The following UGT1A8 variants were observed in gnomAD, a reference collection of about 807,000 sequenced individuals.
The protein encoded by UGT1A8 is UDP glucuronosyltransferase family 1 member A8, also known as UDP-glucuronosyltransferase 1A8.
UGT1A8 carries 39 observed loss-of-function variants against 45.3 expected under a neutral mutation model. The ratio of observed to expected loss-of-function variants is 0.86; its 90% CI spans 0.67 to 1.12. The LOEUF is 1.12. UGT1A8 is among the 50% of genes most tolerant of loss of function. The probability of loss-of-function intolerance (pLI) is 0.00; values close to 1 mark genes in which losing one functional copy is unlikely to be tolerated. For synonymous variants in UGT1A8, 275 were observed against 249.2 expected (o/e 1.10, Z -0.97); for missense variants, 719 against 664.9 (o/e 1.08, Z -0.90).
Position 233,700,704 on chromosome 2 carries a change from GT to G in UGT1A8, c.856-66323del, listed in dbSNP as rs199725937. Among the ~76,000 whole-genome samples the G allele has an allele frequency of 4.5e-3, 682 of 151,722 alleles. 11 individuals are homozygous for G. The highest frequency in any genetic ancestry group is 0.016 in the African/African-American group (644 of 41,324). On this transcript the variant is annotated intron_variant, in intron 1 of 4. Coordinates refer to ENST00000373450, the MANE Select transcript of UGT1A8 (RefSeq NM_019076.5). ...ATAATATATAAACTACACTTTGAAT[GT>G]TTTTTTCTTTTTTTAAAAATTTTAT...
intron 1 of UGT1A8, among the ~76,000 whole-genome samples, chr2:233,684,736 A>G (rs45548336): frequency 0.02 from 3,110 of 152,174 alleles, 109 homozygotes; most frequent in African/African-American, 0.071. Context: ...TAGAAAATAA[A>G]TATAATTATC....
chr2:233,684,973 TTGA>T (rs796323328), intron 1 of UGT1A8, among the ~76,000 whole-genome samples: 38 of 152,250 alleles, frequency 2.5e-4, no homozygotes, highest in African/African-American at 8.9e-4. Context: ...AAAGCATTGC[TTGA>T]TGATGCAGTG....
chr2:233,678,714 T>A (rs2074425836), intron 1 of UGT1A8, among the ~76,000 whole-genome samples: 1 of 152,122 alleles, frequency 6.6e-6, no homozygotes, highest in Non-Finnish European at 1.5e-5. Flanking sequence ...TTCTTCTACA[T>A]CTTCTTTCTC....
intron 1 of UGT1A8, among the ~76,000 whole-genome samples, chr2:233,628,313 T>G (rs2073129031): frequency 6.9e-6 from 1 of 144,384 alleles, no homozygotes; most frequent in South Asian, 2.2e-4. Context: ...TTATGTGGTT[T>G]ATATATATAT....
intron 1 of UGT1A8, chr2:233,672,599 G>A (rs772418161): frequency 2.4e-5 from 38 of 1,613,822 alleles, no homozygotes; most frequent in South Asian, 1.5e-4. Flanking sequence ...TTATGCCACC[G>A]TTTTTTCAAA....
chr2:233,747,183 G>A (rs1016025766), intron 1 of UGT1A8: 1 of 1,602,336 alleles, frequency 6.2e-7, no homozygotes, highest in South Asian at 1.1e-5. Flanking sequence ...AGCGTGGGGT[G>A]GACAGTCAGC....
chr2:233,649,782 A>G (rs1158309226), intron 1 of UGT1A8, among the ~76,000 whole-genome samples: 1 of 152,190 alleles, frequency 6.6e-6, no homozygotes, highest in Admixed American at 6.5e-5. Context: ...TATAAAGCAG[A>G]ATGCCCTTAG....
At chr2:233,710,115 A>G (rs893125618) in intron 1 of UGT1A8, among the ~76,000 whole-genome samples, 1 of 152,072 alleles carries the variant, frequency 6.6e-6, no homozygotes, top group Non-Finnish European at 1.5e-5. Flanking sequence ...ATTCGTTTCT[A>G]TTTCCGAGTA....
intron 1 of UGT1A8, among the ~76,000 whole-genome samples, chr2:233,669,524 T>C (rs976691898): frequency 6.6e-6 from 1 of 152,206 alleles, no homozygotes; most frequent in African/African-American, 2.4e-5. Flanking sequence ...TTGTCAGATT[T>C]ATCTGTTAGT....
chr2:233,725,261 AGAG>A lies in UGT1A8; in HGVS notation c.856-41768_856-41766del, dbSNP rs754749858. 7.0e-4 allele frequency among the ~76,000 whole-genome samples: 22 copies of A among 31,252 alleles called. 3 individuals carry two copies. The highest frequency in any genetic ancestry group is 4.3e-3 in the African/African-American group (20 of 4,634). The allele number at this position is 31,252 out of a possible 152,430, so 20.5% of individuals were successfully genotyped here. A position where few individuals can be genotyped will look rare whatever the true frequency, so the allele number is the denominator to read the frequency against. ...AGGCAGAGGCAGAGGAGGCAGAGGC[AGAG>A]GAGGCAGAGGCAGAGGCAGAGGCAG... On this transcript the variant is annotated intron_variant, in intron 1 of 4. Transcript: ENST00000373450.
intron 1 of UGT1A8, among the ~76,000 whole-genome samples, chr2:233,671,621 A>C (rs2074194352): frequency 6.6e-6 from 1 of 152,228 alleles, no homozygotes; most frequent in South Asian, 2.1e-4. Flanking sequence ...ATCTTTCTGA[A>C]CCTTCAAGGT....
intron 1 of UGT1A8, among the ~76,000 whole-genome samples, chr2:233,667,509 A>C (rs930870181): frequency 1.3e-5 from 2 of 152,240 alleles, no homozygotes; most frequent in Admixed American, 1.3e-4. Context: ...AAGCAGTGGC[A>C]ACAAAAGCCA....
chr2:233,620,652 T>C (rs1023018808), intron 1 of UGT1A8, among the ~76,000 whole-genome samples: 5 of 152,154 alleles, frequency 3.3e-5, no homozygotes, highest in Non-Finnish European at 7.4e-5. Flanking sequence ...TTGCAGAAGG[T>C]TATGTGTATT....
At chr2:233,726,260 G>T (rs2077520293) in intron 1 of UGT1A8, among the ~76,000 whole-genome samples, 1 of 152,196 alleles carries the variant, frequency 6.6e-6, no homozygotes, top group Admixed American at 6.5e-5. Context: ...GGGTGCAGTG[G>T]CATGCGCCTA....
At chr2:233,648,804 C>T (rs1178200100) in intron 1 of UGT1A8, 1 of 959,244 alleles carries the variant, frequency 1.0e-6, no homozygotes, top group African/African-American at 1.6e-5. Context: ...GGAACCACAT[C>T]TTCTACTTAG....
chr2:233,631,242 G>A (rs563417722), intron 1 of UGT1A8, among the ~76,000 whole-genome samples: 1 of 152,202 alleles, frequency 6.6e-6, no homozygotes, highest in East Asian at 1.9e-4. Context: ...GGCTATCATT[G>A]ATGGGCATTT....
At chr2:233,728,727 T>C (rs1208956331) in intron 1 of UGT1A8, among the ~76,000 whole-genome samples, 1 of 152,204 alleles carries the variant, frequency 6.6e-6, no homozygotes, top group Non-Finnish European at 1.5e-5. Flanking sequence ...AGAGAGCATA[T>C]GACTGGGGGC....
At chr2:233,694,004 C>T in intron 1 of UGT1A8, 1 of 1,466,316 alleles carries the variant, frequency 6.8e-7, no homozygotes, top group Non-Finnish European at 9.2e-7. Flanking sequence ...CGGCTCGGAG[C>T]AGCGGGAACA....
chr2:233,725,129 T>C (rs1238705631), intron 1 of UGT1A8, among the ~76,000 whole-genome samples: 2 of 136,286 alleles, frequency 1.5e-5, no homozygotes, highest in Non-Finnish European at 3.1e-5. Flanking sequence ...TGAGCCGAGA[T>C]GGCAGCAGTA....
Sources: allele counts gnomAD v4.1 joint callset (sites outside exome capture counted in the v4.1 genomes callset), GRCh38; gene constraint gnomAD v4.1.1; transcripts MANE v1.5; gene names NCBI Gene and HGNC (gene_info 2026-07-23, HGNC 2026-07-21).